The following COPG2 variants were observed in gnomAD, a reference collection of about 807,000 sequenced individuals.
The protein encoded by COPG2 is coatomer subunit gamma-2.
In COPG2, 37 loss-of-function variants were observed where a neutral mutation model predicts 46.3. The observed-to-expected ratio is 0.80, with a 90% CI of 0.61 to 1.05. The LOEUF is 1.05. COPG2 is among the 50% of genes least tolerant of loss of function. The pLI, the probability that COPG2 is intolerant of heterozygous loss-of-function variation, is 0.00. For missense variants in COPG2, 427 were observed against 387.8 expected (o/e 1.10, Z -0.85); for synonymous variants, 159 against 129.7 (o/e 1.23, Z -1.53).
chr7:130,604,790 TAAAG>T (rs1554450978), intron 9 of COPG2: 2 of 498,348 alleles, frequency 4.0e-6, no homozygotes, highest in Admixed American at 4.3e-5. Context: ...CCAATAAGTA[TAAAG>T]TTTAGTGGAG....
At position 130,611,889 on chromosome 7, in the gene COPG2, G is replaced by A. The variant is rs377691527; in HGVS notation, c.579+263C>T. Among the ~76,000 whole-genome samples the A allele has an allele frequency of 6.6e-5, 10 of 152,194 alleles. No individual in the cohort carries two copies. The South Asian group carries it at 2.1e-3, about 32-fold the overall frequency. On this transcript the variant is annotated intron_variant, in intron 8 of 23. Transcript: ENST00000425248. ...TATTTTTCAAATAAAAGACTGCCACGAGCATCTCAATCTACTACTGAATAT... is the reference window on the plus strand; with the variant it reads ...TATTTTTCAAATAAAAGACTGCCACAAGCATCTCAATCTACTACTGAATAT...
chr7:130,558,626 T>A (rs1226431847), intron 12 of COPG2, among the ~76,000 whole-genome samples: 2 of 152,144 alleles, frequency 1.3e-5, no homozygotes, highest in Non-Finnish European at 1.5e-5. Context: ...GCTCAAGTGA[T>A]CCTCCCACCT....
chr7:130,523,139 G>C (rs1253822769), intron 20 of COPG2, among the ~76,000 whole-genome samples: 2 of 19,908 alleles, frequency 1.0e-4, no homozygotes, highest in Admixed American at 4.1e-4. Flanking sequence ...AAAAAAGAAG[G>C]CTCCAGGCCT....
At chr7:130,546,352 C>T (rs1793443432) in intron 20 of COPG2, among the ~76,000 whole-genome samples, 1 of 152,056 alleles carries the variant, frequency 6.6e-6, no homozygotes, top group Non-Finnish European at 1.5e-5. Flanking sequence ...ATATTTCAGA[C>T]AAATCTAACT....
intron 20 of COPG2, among the ~76,000 whole-genome samples, chr7:130,545,170 T>TATTTCATTTC (rs1221165104): frequency 0.059 from 8,862 of 149,982 alleles, 353 homozygotes; most frequent in African/African-American, 0.1. Flanking sequence ...ACTTACCTAT[T>TATTTCATTTC]ATTTCATTTC....
At chr7:130,565,016 A>C (rs1256972665) in intron 9 of COPG2, among the ~76,000 whole-genome samples, 1 of 152,246 alleles carries the variant, frequency 6.6e-6, no homozygotes, top group Non-Finnish European at 1.5e-5. Context: ...AGGCTGGCCA[A>C]AAAACTTAAA....
chr7:130,562,178 G>A (rs1793731076), intron 11 of COPG2, among the ~76,000 whole-genome samples: 1 of 152,138 alleles, frequency 6.6e-6, no homozygotes, highest in East Asian at 1.9e-4. Context: ...GGCCAACATG[G>A]CGAAACCCTG....
intron 9 of COPG2, among the ~76,000 whole-genome samples, chr7:130,576,620 C>G (rs1794002920): frequency 1.3e-5 from 2 of 152,030 alleles, no homozygotes; most frequent in African/African-American, 4.8e-5. Flanking sequence ...TTCAAAAGCT[C>G]AAAAAGTTCA....
intron 9 of COPG2, among the ~76,000 whole-genome samples, chr7:130,578,022 T>C (rs1367176793): frequency 5.3e-5 from 8 of 152,256 alleles, no homozygotes; most frequent in Non-Finnish European, 1.0e-4. Context: ...TGCCTGCCTC[T>C]GTAGGCTCCA....
chr7:130,553,114 G>A (rs1793558872), intron 14 of COPG2, among the ~76,000 whole-genome samples: 1 of 152,156 alleles, frequency 6.6e-6, no homozygotes, highest in South Asian at 2.1e-4. Context: ...AGTATTAGAG[G>A]CAGAGAAAAT....
At chr7:130,628,355 G>T (rs1285999201) in intron 5 of COPG2, among the ~76,000 whole-genome samples, 1 of 151,340 alleles carries the variant, frequency 6.6e-6, no homozygotes, top group Admixed American at 6.6e-5. Context: ...CTAGTTTATT[G>T]TTTATACTTC....
At chr7:130,531,909 G>A (rs1199366813) in intron 20 of COPG2, among the ~76,000 whole-genome samples, 1 of 152,136 alleles carries the variant, frequency 6.6e-6, no homozygotes, top group Non-Finnish European at 1.5e-5. Context: ...AATCATCTGA[G>A]GGGTAAGCAG....
chr7:130,550,485 G>A (rs959875352), intron 17 of COPG2, 39 bp downstream of exon 17: 5,740 of 357,254 alleles, frequency 0.016, 75 homozygotes, highest in Non-Finnish European at 0.021. Flanking sequence ...TTTTAGTTTT[G>A]CAAAACTACT....
At chr7:130,544,830 A>G (rs1050840657) in intron 20 of COPG2, among the ~76,000 whole-genome samples, 12 of 152,294 alleles carry the variant, frequency 7.9e-5, no homozygotes, top group African/African-American at 2.6e-4. Flanking sequence ...AAGTAGGACT[A>G]GTTACATAGA....
At chr7:130,510,070 T>C (rs1799572220) in intron 20 of COPG2, 1 of 519,816 alleles carries the variant, frequency 1.9e-6, no homozygotes, top group Non-Finnish European at 3.8e-6. Flanking sequence ...GTATTTCAAA[T>C]GATTTTCCAA....
chr7:130,513,487 A>G (rs1305315341), intron 20 of COPG2, among the ~76,000 whole-genome samples: 2 of 150,506 alleles, frequency 1.3e-5, no homozygotes, highest in Non-Finnish European at 3.0e-5. Flanking sequence ...AGAGCTGCAT[A>G]TGCAGTAGAG....
chr7:130,519,698 A>C (rs1282600038), intron 20 of COPG2, among the ~76,000 whole-genome samples: 1 of 152,240 alleles, frequency 6.6e-6, no homozygotes, highest in African/African-American at 2.4e-5. Flanking sequence ...GTTGCTCTAT[A>C]CTTAAGCCAA....
intron 5 of COPG2, among the ~76,000 whole-genome samples, chr7:130,634,123 C>T (rs1344736559): frequency 6.6e-6 from 1 of 152,104 alleles, no homozygotes; most frequent in Non-Finnish European, 1.5e-5. Flanking sequence ...GTTACTGTAT[C>T]CTTGTAGTAT....
intron 20 of COPG2, among the ~76,000 whole-genome samples, chr7:130,531,992 C>T (rs1427944734): frequency 2.0e-5 from 3 of 152,138 alleles, no homozygotes; most frequent in South Asian, 2.1e-4. Flanking sequence ...AAGAGAAAAC[C>T]GAGCCCAAAA....
Sources: gnomAD v4.1 joint callset for allele counts (sites outside exome capture counted in the v4.1 genomes callset) on GRCh38, gnomAD v4.1.1 for gene constraint, MANE v1.5 for transcripts, NCBI Gene and HGNC (gene_info 2026-07-23, HGNC 2026-07-21) for gene names.